The following PLCG2 variants were observed in gnomAD, a reference collection of about 807,000 sequenced individuals.
The protein encoded by PLCG2 is 1-phosphatidylinositol 4,5-bisphosphate phosphodiesterase gamma-2.
Under a neutral mutation model 175.6 loss-of-function variants are expected in PLCG2, and 69 were observed. That is an observed-to-expected ratio of 0.39 (90% CI 0.32 to 0.48). PLCG2 has a LOEUF of 0.48. Ranked by LOEUF, PLCG2 falls within the 20% of genes least tolerant of loss-of-function variation. The probability of loss-of-function intolerance (pLI) is 0.91; values close to 1 mark genes in which losing one functional copy is unlikely to be tolerated. For missense variants in PLCG2, 1,798 were observed against 1,650.9 expected, an observed-to-expected ratio of 1.09 and a Z score of -1.54; for synonymous variants, 827 against 624.0, an observed-to-expected ratio of 1.33 and a Z score of -4.85.
At chr16:81,840,308 C>T (rs777753900) in intron 2 of PLCG2, among the ~76,000 whole-genome samples, 2 of 152,040 alleles carry the variant, frequency 1.3e-5, no homozygotes, top group African/African-American at 4.8e-5. Context: ...GCAGCAGTCC[C>T]AGACTTTTTT....
At chr16:81,829,937 G>A (rs926417369) in intron 2 of PLCG2, among the ~76,000 whole-genome samples, 2 of 151,996 alleles carry the variant, frequency 1.3e-5, no homozygotes, top group Non-Finnish European at 2.9e-5. Context: ...CTACCTCTCG[G>A]TGGCATCCCC....
chr16:81,879,801 G>A (rs1907989190), intron 7 of PLCG2, among the ~76,000 whole-genome samples: 1 of 152,202 alleles, frequency 6.6e-6, no homozygotes, highest in African/African-American at 2.4e-5. Flanking sequence ...GCAAGTAGAA[G>A]CTGGAGGGAG....
intron 11 of PLCG2, among the ~76,000 whole-genome samples, chr16:81,892,847 C>CTTTT (rs58257849): frequency 7.5e-6 from 1 of 133,696 alleles, no homozygotes; most frequent in Non-Finnish European, 1.6e-5. Flanking sequence ...GGAACATAAA[C>CTTTT]TTTTTTTTTT....
chr16:81,803,783 G>A (rs1911868344), intron 2 of PLCG2, among the ~76,000 whole-genome samples: 1 of 151,780 alleles, frequency 6.6e-6, no homozygotes, highest in Non-Finnish European at 1.5e-5. Flanking sequence ...CTGGATTCAA[G>A]TGATTCTCGT....
intron 2 of PLCG2, among the ~76,000 whole-genome samples, chr16:81,797,209 T>G (rs1359654436): frequency 6.6e-6 from 1 of 152,046 alleles, no homozygotes; most frequent in African/African-American, 2.4e-5. Flanking sequence ...TCAGTGCAGG[T>G]CCAACGTCTT....
intron 2 of PLCG2, among the ~76,000 whole-genome samples, chr16:81,832,690 C>G (rs1287280303): frequency 6.6e-6 from 1 of 152,260 alleles, no homozygotes; most frequent in Admixed American, 6.5e-5. Context: ...AGGCATGAGC[C>G]ATTGCGCCCA....
intron 2 of PLCG2, among the ~76,000 whole-genome samples, chr16:81,823,713 A>G (rs1904909405): frequency 6.9e-6 from 1 of 144,096 alleles, no homozygotes. Context: ...TTTTCCCTGT[A>G]GAGACAGGGT....
chr16:81,767,823 C>T (rs1910187077), intron 2 of PLCG2: 1 of 152,232 alleles, frequency 6.6e-6, no homozygotes, highest in Admixed American at 6.5e-5. Context: ...ACAACACTGC[C>T]TCTTCCAGAA....
At chr16:81,953,048 C>A (rs1271023269) in intron 31 of PLCG2, among the ~76,000 whole-genome samples, 1 of 152,190 alleles carries the variant, frequency 6.6e-6, no homozygotes, top group Non-Finnish European at 1.5e-5. Context: ...GACATTCTTG[C>A]CAAAACTGCA....
intron 2 of PLCG2, among the ~76,000 whole-genome samples, chr16:81,823,111 T>C (rs1313031920): frequency 6.6e-6 from 1 of 152,278 alleles, no homozygotes; most frequent in Non-Finnish European, 1.5e-5. Flanking sequence ...CTATGTTGGC[T>C]GTGGTTTCAC....
chr16:81,796,946 G>A (rs1163133366), intron 2 of PLCG2, among the ~76,000 whole-genome samples: 17 of 152,184 alleles, frequency 1.1e-4, no homozygotes, highest in Admixed American at 9.8e-4. Context: ...TGAGGGCAAC[G>A]GGGTGAGTAC....
chr16:81,820,675 C>T (rs1413778788), intron 2 of PLCG2, among the ~76,000 whole-genome samples: 3 of 152,024 alleles, frequency 2.0e-5, no homozygotes, highest in Non-Finnish European at 4.4e-5. Flanking sequence ...GGCTGGAGTG[C>T]AGTGGCGCAA....
At chr16:81,874,948 GTTT>G (rs770994063) in intron 7 of PLCG2, among the ~76,000 whole-genome samples, 494 of 40,650 alleles carry the variant, frequency 0.012, no homozygotes, top group African/African-American at 0.034. Flanking sequence ...TATCCTATGT[GTTT>G]TTTTTTTTTT....
chr16:81,905,365 C>A (rs761272434), intron 14 of PLCG2, 38 bp from the exon 15 acceptor site: 1 of 1,474,882 alleles, frequency 6.8e-7, no homozygotes, highest in East Asian at 2.3e-5. Context: ...AAACTTGGGT[C>A]TCCATGGAGA....
At chr16:81,772,833 C>T (rs1910313200) in intron 2 of PLCG2, among the ~76,000 whole-genome samples, 1 of 152,000 alleles carries the variant, frequency 6.6e-6, no homozygotes, top group Admixed American at 6.6e-5. Flanking sequence ...ACTGAAAAGG[C>T]TAAGAAAGGA....
intron 1 of PLCG2, among the ~76,000 whole-genome samples, chr16:81,781,750 T>C (rs74742890): frequency 1.3e-5 from 2 of 152,182 alleles, no homozygotes; most frequent in African/African-American, 2.4e-5. Context: ...AACACAATTG[T>C]CTTGTGGGAT....
At chr16:81,858,896 A>G (rs1011487150) in intron 4 of PLCG2, among the ~76,000 whole-genome samples, 4 of 152,122 alleles carry the variant, frequency 2.6e-5, no homozygotes, top group Non-Finnish European at 2.9e-5. Context: ...GGAATTGACA[A>G]TGTAAAGAAA....
Position 81,754,636 on chromosome 16 carries a change from G to C in PLCG2, c.-144-1234G>C, listed in dbSNP as rs79344953. On this transcript the variant is annotated intron_variant, in intron 1 of 5. Transcript: ENST00000565054. ...GTGTAGGTGCTCAATACTTGCTTTA[G>C]TGAATGAATGACTGTGGGGCCCCAT... Among the ~76,000 whole-genome samples, 1,250 of 150,970 alleles carry C rather than the reference G, an allele frequency of 8.3e-3. 15 individuals carry two copies. Among genetic ancestry groups the C allele is most frequent in the African/African-American group, 0.028 (1,166 of 41,006 alleles).
chr16:81,957,766 T>C (rs1182424486), intron 32 of PLCG2, among the ~76,000 whole-genome samples, 190 bp from the exon 33 acceptor site: 1 of 152,156 alleles, frequency 6.6e-6, no homozygotes, highest in African/African-American at 2.4e-5. Flanking sequence ...TGTTTTACCA[T>C]TGAGGAGATT....
Sources: gnomAD v4.1 joint callset for allele counts (sites outside exome capture counted in the v4.1 genomes callset) on GRCh38, gnomAD v4.1.1 for gene constraint, MANE v1.5 for transcripts, NCBI Gene and HGNC (gene_info 2026-07-23, HGNC 2026-07-21) for gene names.